The following ZPBP variants were observed in gnomAD, a reference collection of about 807,000 sequenced individuals.
The protein encoded by ZPBP is zona pellucida-binding protein 1.
In ZPBP, 26 loss-of-function variants were observed where a neutral mutation model predicts 44.8. The observed-to-expected ratio is 0.58, with a 90% CI of 0.43 to 0.81. The LOEUF is 0.81. Among genes scored for constraint, ZPBP ranks in the 30% least tolerant of loss-of-function variants. The pLI is 0.00. For synonymous variants in ZPBP, 174 were observed against 153.2 expected, an observed-to-expected ratio of 1.14 and a Z score of -1.00; for missense variants, 409 against 434.0, an observed-to-expected ratio of 0.94 and a Z score of 0.51.
chr7:49,874,291 T>G (rs560481345), intron 2 of ZPBP, among the ~76,000 whole-genome samples: 22 of 152,314 alleles, frequency 1.4e-4, no homozygotes, highest in African/African-American at 5.1e-4. Context: ...TTACTCTACC[T>G]TTTCTATGGT....
chr7:49,930,388 G>A (rs1024898977), intron 1 of ZPBP, among the ~76,000 whole-genome samples: 14 of 151,990 alleles, frequency 9.2e-5, no homozygotes, highest in East Asian at 1.9e-4. Flanking sequence ...CACAAACTCC[G>A]GCAAATTAAA....
intron 7 of ZPBP, among the ~76,000 whole-genome samples, chr7:49,946,601 T>C (rs1586111): frequency 0.75 from 113,819 of 151,980 alleles, 42,862 homozygotes; most frequent in East Asian, 0.89. Flanking sequence ...GTTGTTTCTT[T>C]TCTTTTGCTG....
At chr7:49,981,032 A>G (rs1329022640) in intron 7 of ZPBP, among the ~76,000 whole-genome samples, 1 of 150,466 alleles carries the variant, frequency 6.6e-6, no homozygotes, top group Non-Finnish European at 1.5e-5. Context: ...AACTTTCACA[A>G]AAATATAGTA....
intron 1 of ZPBP, among the ~76,000 whole-genome samples, chr7:50,090,487 G>GTATATGAGTGTATATATA (rs1562622292): frequency 1.3e-5 from 2 of 151,018 alleles, no homozygotes; most frequent in African/African-American, 2.5e-5. Flanking sequence ...GTGTGTGTGT[G>GTATATGAGTGTATATATA]TGTGTATATG....
intron 3 of ZPBP, among the ~76,000 whole-genome samples, chr7:50,070,583 G>A (rs970848594): frequency 6.6e-6 from 1 of 152,228 alleles, no homozygotes; most frequent in Non-Finnish European, 1.5e-5. Flanking sequence ...CAAGCCCCCA[G>A]AAATGTAGTG....
chr7:49,917,109 C>T (rs1793764228), intron 1 of ZPBP: 1 of 152,178 alleles, frequency 6.6e-6, no homozygotes, highest in East Asian at 1.9e-4. Context: ...TTTAATCTTT[C>T]TACATAACAT....
chr7:50,007,758 A>G (rs1798372259), intron 6 of ZPBP, among the ~76,000 whole-genome samples: 1 of 152,056 alleles, frequency 6.6e-6, no homozygotes, highest in South Asian at 2.1e-4. Flanking sequence ...TCACAAGAGA[A>G]TGAAGGAAAA....
At position 49,976,788 on chromosome 7, in the gene ZPBP, T is replaced by A. The variant is rs1482885994; in HGVS notation, c.961+6554A>T. The stretch of plus-strand genomic sequence containing the variant: ...TTTCACTCAAGTAAGTTTTCCAAAT[T>A]ACATGGACTGCTTTTACTGAAAATA... On this transcript the variant is annotated intron_variant, in intron 7 of 7. Transcript: ENST00000046087. Among the ~76,000 whole-genome samples, 3 of 152,182 alleles carry A rather than the reference T, an allele frequency of 2.0e-5. No individual in the cohort carries two copies. The East Asian group carries it at 5.8e-4, about 29-fold the overall frequency.
chr7:49,876,426 C>A (rs1312450829), intron 2 of ZPBP, among the ~76,000 whole-genome samples: 1 of 152,250 alleles, frequency 6.6e-6, no homozygotes, highest in African/African-American at 2.4e-5. Context: ...GGGAAAACAG[C>A]ACCTGTCTCC....
chr7:49,908,586 C>T (rs912400804), intron 1 of ZPBP, among the ~76,000 whole-genome samples: 1 of 151,558 alleles, frequency 6.6e-6, no homozygotes, highest in East Asian at 1.9e-4. Flanking sequence ...TTATGTGTTC[C>T]TATCTGTGCC....
At chr7:49,950,091 A>G (rs563297750) in intron 7 of ZPBP, among the ~76,000 whole-genome samples, 2 of 152,064 alleles carry the variant, frequency 1.3e-5, no homozygotes, top group Admixed American at 6.5e-5. Context: ...AAAAACTGAG[A>G]ACAATCAATT....
chr7:50,091,297 G>A (rs963139023), intron 1 of ZPBP, among the ~76,000 whole-genome samples: 1 of 152,136 alleles, frequency 6.6e-6, no homozygotes, highest in African/African-American at 2.4e-5. Context: ...TTACTCTGCT[G>A]ACTGTTCCGT....
the ZPBP span, among the ~76,000 whole-genome samples, chr7:49,841,445 G>A: frequency 6.6e-6 from 1 of 152,098 alleles, no homozygotes. Flanking sequence ...TTTAAGGTAG[G>A]GATTCAGTGT....
chr7:50,003,628 C>A (rs1287744385), intron 6 of ZPBP, among the ~76,000 whole-genome samples: 1 of 151,934 alleles, frequency 6.6e-6, no homozygotes, highest in African/African-American at 2.4e-5. Flanking sequence ...GATTGGAGGC[C>A]ACTGACAGCA....
intron 4 of ZPBP, among the ~76,000 whole-genome samples, chr7:50,031,570 G>A (rs1348646994): frequency 1.3e-5 from 2 of 151,986 alleles, no homozygotes; most frequent in Non-Finnish European, 2.9e-5. Context: ...AGAAATTGAG[G>A]GCGGCAGGGA....
chr7:49,857,734 T>C (rs1330197450), intron 2 of ZPBP, among the ~76,000 whole-genome samples: 1 of 152,130 alleles, frequency 6.6e-6, no homozygotes, highest in Non-Finnish European at 1.5e-5. Context: ...TCAAAAACAG[T>C]ATGGAGATTT....
At chr7:50,026,155 C>A (rs1479736463) in intron 5 of ZPBP, among the ~76,000 whole-genome samples, 1 of 151,724 alleles carries the variant, frequency 6.6e-6, no homozygotes, top group Admixed American at 6.6e-5. Flanking sequence ...ACACAAACAT[C>A]AGAGAAAATA....
At chr7:49,889,697 C>T (rs1792048673) in intron 2 of ZPBP, among the ~76,000 whole-genome samples, 1 of 152,166 alleles carries the variant, frequency 6.6e-6, no homozygotes, top group African/African-American at 2.4e-5. Context: ...TTGCTTTTGC[C>T]AGTGACCACT....
At chr7:50,005,479 T>C (rs1584026845) in intron 6 of ZPBP, among the ~76,000 whole-genome samples, 1 of 152,170 alleles carries the variant, frequency 6.6e-6, no homozygotes, top group East Asian at 1.9e-4. Context: ...ATTTGTGACA[T>C]CAAAATATGG....
Sources: gnomAD v4.1 joint callset for allele counts (sites outside exome capture counted in the v4.1 genomes callset) on GRCh38, gnomAD v4.1.1 for gene constraint, MANE v1.5 for transcripts, NCBI Gene and HGNC (gene_info 2026-07-23, HGNC 2026-07-21) for gene names.